KCTD1: variants seen among roughly 807,000 people sequenced by gnomAD.
KCTD1 encodes the protein potassium channel tetramerization domain containing 1, also known as BTB/POZ domain-containing protein KCTD1.
A neutral mutation model predicts 66.0 loss-of-function variants in KCTD1; 24 were observed. The observed-to-expected ratio is 0.36, with a 90% CI of 0.26 to 0.51. The LOEUF (loss-of-function observed/expected upper bound fraction) is 0.51. Ranked by LOEUF, KCTD1 falls within the 20% of genes least tolerant of loss-of-function variation. The probability of loss-of-function intolerance (pLI) is 0.95; values close to 1 mark genes in which losing one functional copy is unlikely to be tolerated. For synonymous variants in KCTD1, 511 were observed against 517.2 expected (o/e 0.99, Z 0.16); for missense variants, 943 against 1,205.2 (o/e 0.78, Z 3.22).
intron 1 of KCTD1, among the ~76,000 whole-genome samples, chr18:26,656,148 G>C (rs1372102742): frequency 6.6e-6 from 1 of 152,222 alleles, no homozygotes; most frequent in South Asian, 2.1e-4. Flanking sequence ...AGACGGCGGA[G>C]GCCAGAGGCG....
chr18:26,539,492 GT>G (rs1984869890), intron 1 of KCTD1, among the ~76,000 whole-genome samples: 1 of 152,144 alleles, frequency 6.6e-6, no homozygotes, highest in Non-Finnish European at 1.5e-5. Flanking sequence ...CTTTCAGTAT[GT>G]CTTCATTATT....
chr18:26,587,220 A>G (rs1986491034), intron 1 of KCTD1, among the ~76,000 whole-genome samples: 1 of 152,356 alleles, frequency 6.6e-6, no homozygotes, highest in South Asian at 2.1e-4. Context: ...CTGAAGAATT[A>G]TGCTAAATCT....
intron 1 of KCTD1, among the ~76,000 whole-genome samples, chr18:26,514,412 C>T (rs949205114): frequency 6.6e-5 from 10 of 151,756 alleles, no homozygotes; most frequent in African/African-American, 2.2e-4. Context: ...ACTGGCTGGG[C>T]GTAGTGGTCT....
intron 2 of KCTD1, among the ~76,000 whole-genome samples, chr18:26,498,994 G>T (rs1238300921): frequency 6.6e-6 from 1 of 152,186 alleles, no homozygotes; most frequent in Admixed American, 6.5e-5. Flanking sequence ...CTTCCCAGGG[G>T]CTAAATCCTG....
rs1985303772 is a variant in KCTD1 at position 26,547,466 on chromosome 18, C to G, written c.1071G>C (p.Ser357=). Residue 357 remains serine, a synonymous_variant, in exon 1 of 5, where the codon TCG becomes TCC. Coordinates refer to ENST00000580059, the MANE Select transcript of KCTD1 (RefSeq NM_001142730.3). ...GCTTCTTGCTCCACGACGACGAGCG[C>G]GACTTGTGGTAGGGCCCGAGGGACT... ...YFKSLGPYHK[S]RSSSWSKKRA... 1 of 1,551,398 alleles carries G rather than the reference C, an allele frequency of 6.4e-7. No individual in the cohort carries two copies. Among genetic ancestry groups the G allele is most frequent in the African/African-American group, 1.4e-5 (1 of 73,048 alleles).
At chr18:26,607,131 C>T (rs1228603192) in intron 1 of KCTD1, among the ~76,000 whole-genome samples, 2 of 152,174 alleles carry the variant, frequency 1.3e-5, no homozygotes, top group Non-Finnish European at 2.9e-5. Flanking sequence ...GACTCCTGGG[C>T]TCAAGCAATC....
At chr18:26,641,958 A>T (rs518975), upstream of KCTD1, among the ~76,000 whole-genome samples, 624 of 152,338 alleles carry the variant, frequency 4.1e-3, 4 homozygotes, top group Admixed American at 8.0e-3. Flanking sequence ...AATTATACTG[A>T]CAATGGCACT....
intron 1 of KCTD1, among the ~76,000 whole-genome samples, chr18:26,607,794 G>A (rs1987050359): frequency 6.6e-6 from 1 of 152,106 alleles, no homozygotes. Context: ...TTGAGACAGG[G>A]TCTTACTCTG....
intron 2 of KCTD1, among the ~76,000 whole-genome samples, chr18:26,497,603 T>C (rs1408828673): frequency 6.6e-6 from 1 of 152,200 alleles, no homozygotes; most frequent in Non-Finnish European, 1.5e-5. Flanking sequence ...AAATTGGATG[T>C]TGCTTTGACA....
intron 2 of KCTD1, among the ~76,000 whole-genome samples, chr18:26,477,338 A>G (rs890825240): frequency 1.3e-5 from 2 of 152,250 alleles, no homozygotes; most frequent in Non-Finnish European, 2.9e-5. Context: ...CTTAAAAACA[A>G]TGATCCACAT....
intron 1 of KCTD1, among the ~76,000 whole-genome samples, chr18:26,502,292 G>A (rs560852252): frequency 1.1e-4 from 17 of 152,198 alleles, no homozygotes; most frequent in East Asian, 3.9e-4. Flanking sequence ...CTCGTGATCC[G>A]CCCACCTCGG....
chr18:26,591,012 A>C (rs1986588722), intron 1 of KCTD1, among the ~76,000 whole-genome samples: 1 of 152,162 alleles, frequency 6.6e-6, no homozygotes, highest in African/African-American at 2.4e-5. Flanking sequence ...AGTGGTTCAG[A>C]TTAGATAATG....
intron 1 of KCTD1, among the ~76,000 whole-genome samples, chr18:26,561,581 T>C (rs911623468): frequency 6.6e-6 from 1 of 152,150 alleles, no homozygotes; most frequent in African/African-American, 2.4e-5. Context: ...CTGTTCTAGG[T>C]GTTTCTATTA....
chr18:26,503,604 T>A (rs1982880698), intron 1 of KCTD1, among the ~76,000 whole-genome samples: 1 of 152,062 alleles, frequency 6.6e-6, no homozygotes, highest in African/African-American at 2.4e-5. Context: ...ACATTCTCTA[T>A]CCTGCCTGAG....
At chr18:26,489,838 G>C (rs1389524681) in intron 2 of KCTD1, among the ~76,000 whole-genome samples, 1 of 152,190 alleles carries the variant, frequency 6.6e-6, no homozygotes, top group Non-Finnish European at 1.5e-5. Context: ...ACACAGTAAA[G>C]TGGAGCATAT....
intron 1 of KCTD1, among the ~76,000 whole-genome samples, chr18:26,611,913 G>C (rs930270984): frequency 4.6e-5 from 7 of 152,158 alleles, no homozygotes; most frequent in Non-Finnish European, 1.0e-4. Flanking sequence ...TTGCTTTTAA[G>C]ATTTGTTAGG....
chr18:26,464,865 A>C (rs1980636639), intron 3 of KCTD1, among the ~76,000 whole-genome samples: 1 of 152,224 alleles, frequency 6.6e-6, no homozygotes, highest in African/African-American at 2.4e-5. Flanking sequence ...AGGGGTGCCA[A>C]GAAAATGAAA....
rs149857075 is a variant in KCTD1 at position 26,491,712 on chromosome 18, G to A, written c.1988+9360C>T. The stretch of plus-strand genomic sequence containing the variant: ...GCTCTGGCTTCCTCGGGGGCTGAAG[G>A]GCTCACATGGGTAACCCATGTCCCA... On this transcript the variant is annotated intron_variant, in intron 2 of 4. Coordinates refer to ENST00000580059, the MANE Select transcript of KCTD1 (RefSeq NM_001142730.3). Among the ~76,000 whole-genome samples, 6 of 152,250 alleles carry A rather than the reference G, an allele frequency of 3.9e-5. No homozygotes were observed. In the East Asian group the frequency reaches 1.2e-3, roughly 29 times the overall value.
intron 1 of KCTD1, among the ~76,000 whole-genome samples, chr18:26,533,992 G>A (rs768673266): frequency 8.5e-4 from 129 of 152,090 alleles, no homozygotes; most frequent in Non-Finnish European, 1.5e-3. Flanking sequence ...TACTGGTATC[G>A]TAACATTCTA....
Sources: gnomAD v4.1 joint callset for allele counts (sites outside exome capture counted in the v4.1 genomes callset) on GRCh38, gnomAD v4.1.1 for gene constraint, MANE v1.5 for transcripts, NCBI Gene and HGNC (gene_info 2026-07-23, HGNC 2026-07-21) for gene names.